RNF220: variants seen among roughly 807,000 people sequenced by gnomAD.
RNF220 encodes ring finger protein 220.
A neutral mutation model predicts 67.1 loss-of-function variants in RNF220; 7 were observed. The ratio of observed to expected loss-of-function variants is 0.10; its 90% confidence interval spans 0.06 to 0.20. RNF220 has a LOEUF of 0.20. Ranked by LOEUF, RNF220 falls within the 10% of genes least tolerant of loss-of-function variation. The pLI, the probability that RNF220 is intolerant of heterozygous loss-of-function variation, is 1.00. For synonymous variants in RNF220, 270 were observed against 283.2 expected (o/e 0.95, Z 0.47); for missense variants, 565 against 740.3 (o/e 0.76, Z 2.75).
rs949256241 is a variant in RNF220 at position 44,526,259 on chromosome 1, T to G, written c.626-87906T>G. ...ACTAAGTCTCAACAGTCTGCGTACT[T>G]GTCCCAGAATGACTTCCCATTTCCC... is the stretch of plus-strand genomic sequence containing the variant. On this transcript the variant is annotated intron_variant, in intron 2 of 14. Coordinates refer to ENST00000361799, the MANE Select transcript of RNF220 (RefSeq NM_018150.4). Among the ~76,000 whole-genome samples the G allele has an allele frequency of 2.6e-5, 4 of 152,212 alleles. No individual in the cohort carries two copies. In the East Asian group the frequency reaches 7.7e-4, roughly 29 times the overall value.
At chr1:44,432,887 C>CA (rs771719600) in intron 2 of RNF220, among the ~76,000 whole-genome samples, 80 of 138,070 alleles carry the variant, frequency 5.8e-4, no homozygotes, top group Middle Eastern at 3.7e-3. Context: ...ATGTAAGTTT[C>CA]AAATTGGCTT....
intron 8 of RNF220, among the ~76,000 whole-genome samples, chr1:44,642,725 C>T (rs934383651): frequency 5.9e-5 from 9 of 152,144 alleles, no homozygotes; most frequent in Non-Finnish European, 1.3e-4. Context: ...GTTTTCTCTG[C>T]TTTGCCATGG....
At chr1:44,516,642 G>A (rs1436155928) in intron 2 of RNF220, among the ~76,000 whole-genome samples, 2 of 152,090 alleles carry the variant, frequency 1.3e-5, no homozygotes, top group Non-Finnish European at 2.9e-5. Flanking sequence ...GGAGGAAAGT[G>A]AAGGGAAAGA....
Position 44,417,128 on chromosome 1 carries a change from G to A in RNF220, c.625+4406G>A, listed in dbSNP as rs149713089. ...CCAGGTGGCCAGGCTGCACCTCTGG[G>A]TTGCAGCTGGGACAGATGACCACTG... On this transcript the variant is annotated intron_variant, in intron 2 of 14. Transcript: ENST00000361799. This position sits in a 1 kb window ranked among gnomAD's most constrained non-coding sequence, Gnocchi z 4.0. 4.6e-5 allele frequency among the ~76,000 whole-genome samples: 7 copies of A among 152,150 alleles called. No individual in the cohort carries two copies. The East Asian group carries it at 1.4e-3, about 30-fold the overall frequency.
At chr1:44,461,924 G>GT (rs201661366) in intron 2 of RNF220, among the ~76,000 whole-genome samples, 1,815 of 123,454 alleles carry the variant, frequency 0.015, 44 homozygotes, top group East Asian at 0.022. Context: ...TTTTTTCTTT[G>GT]TTTTTTTTTT....
intron 2 of RNF220, among the ~76,000 whole-genome samples, chr1:44,503,251 T>A (rs1658093161): frequency 6.7e-6 from 1 of 148,680 alleles, no homozygotes; most frequent in Non-Finnish European, 1.5e-5. Flanking sequence ...GGAGAATCAC[T>A]TGAACCTGGA....
At chr1:44,559,987 A>T (rs1663435803) in intron 2 of RNF220, among the ~76,000 whole-genome samples, 1 of 152,078 alleles carries the variant, frequency 6.6e-6, no homozygotes, top group South Asian at 2.1e-4. Flanking sequence ...GCCCAGGAGG[A>T]GCCACGGCTC....
chr1:44,490,433 G>T (rs1196778709), intron 2 of RNF220, among the ~76,000 whole-genome samples: 1 of 151,522 alleles, frequency 6.6e-6, no homozygotes, highest in East Asian at 1.9e-4. Flanking sequence ...CTGAGATTGG[G>T]CCATTGTGCT....
In RNF220 at chr1:44,518,889, CAA is replaced by C. The variant is rs71036682; in HGVS notation, c.626-95264_626-95263del. 4.3e-5 allele frequency among the ~76,000 whole-genome samples: 6 copies of C among 141,120 alleles called. No individual in the cohort carries two copies. The East Asian group carries it at 1.3e-3, about 30-fold the overall frequency. 92.6% of individuals were successfully genotyped at this position (141,120 alleles called of 152,430 possible). On this transcript the variant is annotated intron_variant, in intron 2 of 14. Coordinates refer to ENST00000361799, the MANE Select transcript of RNF220 (RefSeq NM_018150.4). The stretch of plus-strand genomic sequence containing the variant: ...GACTCCGTCTAAAAAACAAAAAAAA[CAA>C]AAAAAAAAAAACTTAATCCTGATTA...
chr1:44,553,371 A>AGAATGAATGAAT (rs55720653), intron 2 of RNF220, among the ~76,000 whole-genome samples: 1 of 150,672 alleles, frequency 6.6e-6, no homozygotes, highest in African/African-American at 2.4e-5. Context: ...GCTGAGTATA[A>AGAATGAATGAAT]GAATGAATGA....
chr1:44,573,412 T>C (rs1437863463), intron 2 of RNF220, among the ~76,000 whole-genome samples: 1 of 152,138 alleles, frequency 6.6e-6, no homozygotes, highest in Non-Finnish European at 1.5e-5. Context: ...GACTGAGCTA[T>C]CAGTCCATGA....
At chr1:44,611,923 A>AG (rs1643329313) in intron 2 of RNF220, among the ~76,000 whole-genome samples, 1 of 152,210 alleles carries the variant, frequency 6.6e-6, no homozygotes, top group African/African-American at 2.4e-5. Context: ...CCCTAGCTGT[A>AG]AATAAAATGG....
In RNF220 at chr1:44,645,697, G is replaced by A. The variant is rs564127152; in HGVS notation, c.1445+209G>A. ...ACTGGGCCACGGCCCCAGAAGCCTT[G>A]GCGGTGGGAGGAGCAGTCCACCCGC... On this transcript the variant is annotated intron_variant, in intron 12 of 14. Coordinates refer to ENST00000361799, the MANE Select transcript of RNF220 (RefSeq NM_018150.4). This position sits in a 1 kb window ranked among gnomAD's most constrained non-coding sequence, Gnocchi z 5.0. Among the ~76,000 whole-genome samples the A allele has an allele frequency of 3.9e-5, 6 of 152,312 alleles. No individual in the cohort carries two copies. The highest frequency in any genetic ancestry group is 7.3e-5 in the Non-Finnish European group (5 of 68,028).
At chr1:44,592,477 T>C (rs1159140034) in intron 2 of RNF220, among the ~76,000 whole-genome samples, 1 of 152,172 alleles carries the variant, frequency 6.6e-6, no homozygotes, top group Non-Finnish European at 1.5e-5. Context: ...CACTGACCAC[T>C]GTGCCTGGGG....
At chr1:44,499,025 A>G (rs985783007) in intron 2 of RNF220, among the ~76,000 whole-genome samples, 1 of 152,074 alleles carries the variant, frequency 6.6e-6, no homozygotes, top group Non-Finnish European at 1.5e-5. Flanking sequence ...CTGCTCTCCA[A>G]CTGCCAATTT....
intron 2 of RNF220, among the ~76,000 whole-genome samples, chr1:44,489,139 G>T (rs1186988849): frequency 1.3e-5 from 2 of 152,164 alleles, no homozygotes; most frequent in Non-Finnish European, 2.9e-5. Context: ...TAGTAATTGA[G>T]TTGAAGCGTT....
At chr1:44,454,010 C>A (rs1333194247) in intron 2 of RNF220, among the ~76,000 whole-genome samples, 1 of 152,180 alleles carries the variant, frequency 6.6e-6, no homozygotes, top group Non-Finnish European at 1.5e-5. Context: ...CTGGAAAACT[C>A]CACTTTACAC....
At position 44,622,198 on chromosome 1, in the gene RNF220, C is replaced by T. The variant is rs1041606718; in HGVS notation, c.759-544C>T. 5.3e-5 allele frequency among the ~76,000 whole-genome samples: 8 copies of T among 152,190 alleles called. No individual in the cohort carries two copies. Among genetic ancestry groups the T allele is most frequent in the Non-Finnish European group, 1.0e-4 (7 of 68,026 alleles). ...ACCCCAGCCCCCGCCTGCTCTGAGC[C>T]GCCCACCATATTTCAGGGCCCAGCT... On this transcript the variant is annotated intron_variant, in intron 3 of 14. Coordinates refer to ENST00000361799, the MANE Select transcript of RNF220 (RefSeq NM_018150.4). This position sits in a 1 kb window ranked among gnomAD's most constrained non-coding sequence, Gnocchi z 4.3.
chr1:44,437,086 C>A (rs1651052292), intron 2 of RNF220, among the ~76,000 whole-genome samples: 1 of 152,172 alleles, frequency 6.6e-6, no homozygotes, highest in African/African-American at 2.4e-5. Flanking sequence ...ATTGAACGAG[C>A]CTCAATCTTC....
Sources: allele counts gnomAD v4.1 joint callset (sites outside exome capture counted in the v4.1 genomes callset), GRCh38; gene constraint gnomAD v4.1.1; non-coding constraint Gnocchi (gnomAD v3.1); transcripts MANE v1.5; gene names NCBI Gene and HGNC (gene_info 2026-07-23, HGNC 2026-07-21).